PRTG: variants seen among roughly 807,000 people sequenced by gnomAD.
The protein encoded by PRTG is immunoglobulin superfamily, DCC subclass, member 5.
A neutral mutation model predicts 122.5 loss-of-function variants in PRTG; 67 were observed. That is an observed-to-expected ratio of 0.55 (90% CI 0.45 to 0.67). The LOEUF (loss-of-function observed/expected upper bound fraction) is 0.67, where lower values mean the gene tolerates loss of function less well. PRTG is among the 30% of genes least tolerant of loss of function. The pLI is 0.00. For synonymous variants in PRTG, 554 were observed against 501.1 expected (o/e 1.11, Z -1.41); for missense variants, 1,435 against 1,415.4 (o/e 1.01, Z -0.22).
At chr15:55,706,139 C>T (rs1350920852) in intron 2 of PRTG, among the ~76,000 whole-genome samples, 1 of 151,422 alleles carries the variant, frequency 6.6e-6, no homozygotes, top group Non-Finnish European at 1.5e-5. Flanking sequence ...GGATTACAGG[C>T]GTGAGCCACT....
chr15:55,660,231 T>C (rs2059402748), intron 11 of PRTG, among the ~76,000 whole-genome samples: 1 of 152,178 alleles, frequency 6.6e-6, no homozygotes, highest in African/African-American at 2.4e-5. Flanking sequence ...AAATTTCATG[T>C]GCGTTAAGTT....
intron 7 of PRTG, among the ~76,000 whole-genome samples, 179 bp downstream of exon 7, chr15:55,679,107 T>A (rs1443537468): frequency 1.3e-5 from 2 of 152,196 alleles, no homozygotes; most frequent in Non-Finnish European, 2.9e-5. Context: ...CCAATGAGTA[T>A]TTAGCATAGC....
intron 17 of PRTG, among the ~76,000 whole-genome samples, chr15:55,625,712 C>A (rs554587901): frequency 2.0e-5 from 3 of 151,904 alleles, no homozygotes; most frequent in Admixed American, 6.6e-5. Context: ...CAAGCTCCCC[C>A]TCCCGGGTTC....
chr15:55,622,218 T>G (rs78288936), intron 18 of PRTG, among the ~76,000 whole-genome samples: 1 of 137,876 alleles, frequency 7.3e-6, no homozygotes, highest in South Asian at 2.2e-4. Context: ...TAGTACTTGT[T>G]TTTTTTTTTT....
intron 9 of PRTG, among the ~76,000 whole-genome samples, chr15:55,674,147 T>C (rs1303188426): frequency 6.6e-6 from 1 of 152,226 alleles, no homozygotes; most frequent in African/African-American, 2.4e-5. Context: ...TGTTGTTTAA[T>C]ATAAAAACAG....
rs1456322015 is a variant in PRTG, at chr15:55,616,910, A to T, written c.*3102T>A. 1 of 152,146 alleles carries T rather than the reference A, an allele frequency of 6.6e-6. No homozygotes were observed. 9.4% of individuals were successfully genotyped at this position (152,146 alleles called of 1,614,324 possible). On this transcript the variant is annotated 3_prime_UTR_variant, in exon 20 of 20. Transcript: ENST00000389286. ...TACTTACTTACAGGCTAACCTATAC[A>T]TCTTAATGGTCTTTGGTATGAAAAT...
At chr15:55,623,502 G>T (rs1045601198) in intron 18 of PRTG, among the ~76,000 whole-genome samples, 11 of 152,134 alleles carry the variant, frequency 7.2e-5, no homozygotes, top group Non-Finnish European at 1.5e-4. Context: ...GGAGGTGGAG[G>T]TCACAGTGAG....
chr15:55,731,540 T>C (rs1411294621), intron 2 of PRTG, among the ~76,000 whole-genome samples: 1 of 151,244 alleles, frequency 6.6e-6, no homozygotes, highest in African/African-American at 2.4e-5. Flanking sequence ...CCAGATAATG[T>C]TTGTATTTTT....
intron 2 of PRTG, among the ~76,000 whole-genome samples, chr15:55,703,286 G>A (rs927348087): frequency 5.3e-5 from 8 of 152,182 alleles, no homozygotes; most frequent in African/African-American, 1.9e-4. Context: ...GGAGAAAATA[G>A]TTACAGTAAA....
intron 2 of PRTG, among the ~76,000 whole-genome samples, chr15:55,693,141 G>A (rs1366587131): frequency 2.6e-5 from 4 of 151,924 alleles, no homozygotes; most frequent in Non-Finnish European, 5.9e-5. Context: ...GAGCCACCGC[G>A]CCAAGCCAAG....
rs1260947998 is a variant in PRTG, at chr15:55,742,863, G to T, written c.69C>A (p.Leu23=). Residue 23 remains leucine (L), a synonymous_variant, in exon 1 of 20, where the codon CTC becomes CTA. Coordinates refer to ENST00000389286, the MANE Select transcript of PRTG (RefSeq NM_173814.6). ...PPGMLLRALL[L]LLLLSPLPGV... ...CTGGCAAAGGACTGAGCAGCAGCAG[G>T]AGCAGGAGCGCGCGGAGCAGCATCC... is the stretch of plus-strand genomic sequence containing the variant. The T allele has an allele frequency of 6.5e-7, 1 of 1,537,652 alleles. No homozygotes were observed. The highest frequency in any genetic ancestry group is 2.0e-5 in the Admixed American group (1 of 50,534).
chr15:55,736,333 T>C (rs1595687332), intron 2 of PRTG, among the ~76,000 whole-genome samples: 2 of 151,874 alleles, frequency 1.3e-5, no homozygotes, highest in Non-Finnish European at 1.5e-5. Context: ...ATCTAGCATA[T>C]AGTCTCACAG....
chr15:55,639,552 G>C, intron 13 of PRTG, 90 bp downstream of exon 13: 1 of 1,166,184 alleles, frequency 8.6e-7, no homozygotes, highest in Non-Finnish European at 1.2e-6. Flanking sequence ...GGTGAAGCCC[G>C]AGCTGGGCCC....
chr15:55,712,821 A>G (rs2030443652), intron 2 of PRTG, among the ~76,000 whole-genome samples: 1 of 152,156 alleles, frequency 6.6e-6, no homozygotes, highest in South Asian at 2.1e-4. Flanking sequence ...CAAATAACTC[A>G]AGCAAACAAA....
intron 11 of PRTG, among the ~76,000 whole-genome samples, chr15:55,664,847 T>A (rs4337238): frequency 0.87 from 131,695 of 151,936 alleles, 57,387 homozygotes; most frequent in East Asian, 1. Flanking sequence ...TCAGCCTCTC[T>A]AAGTGCTGGG....
At chr15:55,690,920 A>T (rs2059596952) in intron 2 of PRTG, among the ~76,000 whole-genome samples, 1 of 152,232 alleles carries the variant, frequency 6.6e-6, no homozygotes, top group South Asian at 2.1e-4. Flanking sequence ...GCAGCTAGTA[A>T]GTGGTGATAC....
At chr15:55,626,353 G>C (rs1353333454) in intron 17 of PRTG, among the ~76,000 whole-genome samples, 1 of 151,420 alleles carries the variant, frequency 6.6e-6, no homozygotes, top group Non-Finnish European at 1.5e-5. Context: ...AGGTTGCAGT[G>C]AGCTGAGACT....
rs1442721109 is a variant in PRTG, at chr15:55,637,109, T to C, written c.2623+61A>G. The C allele has an allele frequency of 2.6e-5, 32 of 1,246,152 alleles. 1 individual carries two copies. Among genetic ancestry groups the C allele is most frequent in the Non-Finnish European group, 1.1e-6 (1 of 939,360 alleles). The allele number at this position is 1,246,152 out of a possible 1,614,324, so 77.2% of individuals were successfully genotyped here. A position where few individuals can be genotyped will look rare whatever the true frequency, so the allele number is the denominator to read the frequency against. Reference sequence around the variant, plus strand: ...AATAAACTCTAGATTCCCCTTTCCTTTTGTTTCTTTAATATTAATAATCGT... The same window carrying C: ...AATAAACTCTAGATTCCCCTTTCCTCTTGTTTCTTTAATATTAATAATCGT... On this transcript the variant is annotated intron_variant, in intron 15 of 19. Transcript: ENST00000389286.
At chr15:55,737,822 T>C (rs1486338387) in intron 2 of PRTG, among the ~76,000 whole-genome samples, 3 of 151,876 alleles carry the variant, frequency 2.0e-5, no homozygotes, top group Non-Finnish European at 2.9e-5. Context: ...TGCTGTACTA[T>C]TGTGCTTCTG....
Sources: gnomAD v4.1 joint callset for allele counts (sites outside exome capture counted in the v4.1 genomes callset) on GRCh38, gnomAD v4.1.1 for gene constraint, MANE v1.5 for transcripts, NCBI Gene and HGNC (gene_info 2026-07-23, HGNC 2026-07-21) for gene names.